The following CD2AP variants were observed in gnomAD, a reference collection of about 807,000 sequenced individuals.
The protein encoded by CD2AP is CD2 associated protein.
A neutral mutation model predicts 85.1 loss-of-function variants in CD2AP; 46 were observed. The ratio of observed to expected loss-of-function variants is 0.54; its 90% CI spans 0.43 to 0.69. The LOEUF (loss-of-function observed/expected upper bound fraction) is 0.69. Ranked by LOEUF, CD2AP falls within the 30% of genes least tolerant of loss-of-function variation. The probability of loss-of-function intolerance (pLI) is 0.00; values close to 1 mark genes in which losing one functional copy is unlikely to be tolerated. For synonymous variants in CD2AP, 255 were observed against 252.9 expected (o/e 1.01, Z -0.08); for missense variants, 769 against 729.5 (o/e 1.05, Z -0.62).
At chr6:47,514,493 C>T (rs1322754117) in intron 2 of CD2AP, among the ~76,000 whole-genome samples, 1 of 152,130 alleles carries the variant, frequency 6.6e-6, no homozygotes, top group Non-Finnish European at 1.5e-5. Context: ...TTGGCTAGTT[C>T]ATATTTGGCA....
At chr6:47,583,312 G>A (rs1768531766) in intron 11 of CD2AP, among the ~76,000 whole-genome samples, 1 of 152,088 alleles carries the variant, frequency 6.6e-6, no homozygotes. Context: ...TTCACTCCTA[G>A]TGTTGTAACT....
chr6:47,546,046 A>G (rs756799352), intron 4 of CD2AP, among the ~76,000 whole-genome samples: 4 of 152,206 alleles, frequency 2.6e-5, no homozygotes, highest in Non-Finnish European at 5.9e-5. Flanking sequence ...AAGGTAAGTT[A>G]TTTAGCTAAT....
At chr6:47,486,287 G>T (rs1377836708) in intron 1 of CD2AP, among the ~76,000 whole-genome samples, 1 of 152,122 alleles carries the variant, frequency 6.6e-6, no homozygotes, top group Non-Finnish European at 1.5e-5. Context: ...CAACCCCTGG[G>T]TTCTGACATA....
At position 47,582,114 on chromosome 6, in the gene CD2AP, C is replaced by A; in HGVS notation, c.1108+49C>A. On this transcript the variant is annotated intron_variant, in intron 11 of 17. Coordinates refer to ENST00000359314, the MANE Select transcript of CD2AP (RefSeq NM_012120.3). ...AAAAAGCAATTATTTCTTTTATTGTCATTTTAAAGAGAATTATTTCTCCAC... is the reference window on the plus strand; with the variant it reads ...AAAAAGCAATTATTTCTTTTATTGTAATTTTAAAGAGAATTATTTCTCCAC... The A allele has an allele frequency of 3.6e-6, 4 of 1,115,534 alleles. No homozygotes were observed. In the South Asian group the frequency reaches 3.7e-5, roughly 10 times the overall value. 69.1% of individuals were successfully genotyped at this position (1,115,534 alleles called of 1,614,324 possible).
At position 47,600,701 on chromosome 6, in the gene CD2AP, G is replaced by A. The variant is rs545319584; in HGVS notation, c.1417+1258G>A. Among the ~76,000 whole-genome samples, 257 of 151,998 alleles carry A rather than the reference G, an allele frequency of 1.7e-3. 1 individual carries two copies. Among genetic ancestry groups the A allele is most frequent in the Non-Finnish European group, 3.0e-3 (204 of 67,818 alleles). ...ATTAATTGTTTGATAAACAGAAAAA[G>A]AATCCTCATGTTTTAAAAAATCATT... is the stretch of plus-strand genomic sequence containing the variant. On this transcript the variant is annotated intron_variant, in intron 13 of 17. Coordinates refer to ENST00000359314, the MANE Select transcript of CD2AP (RefSeq NM_012120.3).
At chr6:47,479,476 C>T (rs532386794) in intron 1 of CD2AP, among the ~76,000 whole-genome samples, 1 of 152,310 alleles carries the variant, frequency 6.6e-6, no homozygotes, top group East Asian at 1.9e-4. Flanking sequence ...CACCTCCCTC[C>T]TTTCAGGTAA....
intron 12 of CD2AP, among the ~76,000 whole-genome samples, chr6:47,598,414 G>A (rs193264594): frequency 5.3e-5 from 8 of 151,018 alleles, no homozygotes; most frequent in Admixed American, 2.6e-4. Context: ...CTACCCAGAG[G>A]AAAATAAGTT....
chr6:47,499,651 AT>A (rs1490258314), intron 1 of CD2AP, among the ~76,000 whole-genome samples: 12 of 152,084 alleles, frequency 7.9e-5, no homozygotes, highest in African/African-American at 2.9e-4. Flanking sequence ...ATGATCAACT[AT>A]TGTCTGCGCA....
At chr6:47,498,947 A>G (rs1298735760) in intron 1 of CD2AP, among the ~76,000 whole-genome samples, 1 of 152,188 alleles carries the variant, frequency 6.6e-6, no homozygotes, top group East Asian at 1.9e-4. Context: ...ATTGATTTGT[A>G]ATCTGTATGG....
chr6:47,602,891 C>A (rs554902210), intron 13 of CD2AP, among the ~76,000 whole-genome samples: 3 of 151,884 alleles, frequency 2.0e-5, no homozygotes, highest in African/African-American at 2.4e-5. Context: ...TAAAGTGAGA[C>A]CCTGTCTCAA....
intron 1 of CD2AP, among the ~76,000 whole-genome samples, chr6:47,492,920 G>C (rs1765769927): frequency 6.6e-6 from 1 of 151,780 alleles, no homozygotes; most frequent in Non-Finnish European, 1.5e-5. Flanking sequence ...GCTTGCCCTA[G>C]AGTTTGCAGT....
chr6:47,574,181 T>C lies in CD2AP; in HGVS notation c.659T>C (p.Phe220Ser). 1 of 1,614,106 alleles carries C rather than the reference T, an allele frequency of 6.2e-7. No individual in the cohort carries two copies. The highest frequency in any genetic ancestry group is 8.5e-7 in the Non-Finnish European group (1 of 1,179,972). ...CGAGGAATTGGATTTGGAGACATTTTTAAAGAAGGCTCTGTGAAACTTCGG... is the reference window on the plus strand; with the variant it reads ...CGAGGAATTGGATTTGGAGACATTTCTAAAGAAGGCTCTGTGAAACTTCGG... ...KIRGIGFGDI[F>S]KEGSVKLRTR... The change falls in exon 6 of 18, where the codon TTT becomes TCT. Residue 220 changes from phenylalanine to serine, a missense_variant. By Grantham distance (155) the Phe-to-Ser change is radical. Transcript: ENST00000359314.
chr6:47,614,728 G>A (rs1209917492), intron 17 of CD2AP, among the ~76,000 whole-genome samples: 1 of 152,188 alleles, frequency 6.6e-6, no homozygotes, highest in African/African-American at 2.4e-5. Context: ...TGTAGACAAT[G>A]CAGTATCTGT....
chr6:47,552,219 G>T (rs1209132953), intron 4 of CD2AP, among the ~76,000 whole-genome samples: 1 of 152,086 alleles, frequency 6.6e-6, no homozygotes, highest in East Asian at 1.9e-4. Context: ...CTTTAGTGGT[G>T]ATTCCTGAGA....
intron 2 of CD2AP, among the ~76,000 whole-genome samples, chr6:47,504,266 G>A (rs1429976986): frequency 6.6e-6 from 1 of 152,212 alleles, no homozygotes; most frequent in East Asian, 1.9e-4. Context: ...GCTCTTCTAG[G>A]AAGGTTAGAG....
Position 47,552,990 on chromosome 6 carries a change from A to ATT in CD2AP, c.421-1647_421-1646dup, listed in dbSNP as rs35305333. On this transcript the variant is annotated intron_variant, in intron 4 of 17. Transcript: ENST00000359314. ...TTGTCATTTCCTTTTGGGGGGGAGC[A>ATT]TTTTTTTTTTATTCTTTCAAGCCCT... is the stretch of plus-strand genomic sequence containing the variant. 1.8e-3 allele frequency among the ~76,000 whole-genome samples: 264 copies of ATT among 148,324 alleles called. 3 individuals are homozygous for ATT. The highest frequency in any genetic ancestry group is 9.7e-4 in the Non-Finnish European group (65 of 66,906).
intron 5 of CD2AP, among the ~76,000 whole-genome samples, chr6:47,566,713 TG>T (rs1185535911): frequency 2.6e-5 from 4 of 152,060 alleles, no homozygotes; most frequent in Non-Finnish European, 5.9e-5. Context: ...GAACATGCAG[TG>T]TTTGGTTTTC....
intron 2 of CD2AP, among the ~76,000 whole-genome samples, chr6:47,516,875 A>G (rs772139570): frequency 1.3e-5 from 2 of 152,226 alleles, no homozygotes; most frequent in African/African-American, 4.8e-5. Flanking sequence ...ATATGATTTT[A>G]TATTTAGTGC....
At chr6:47,537,528 CCTA>C (rs1767083887) in intron 3 of CD2AP, among the ~76,000 whole-genome samples, 1 of 152,100 alleles carries the variant, frequency 6.6e-6, no homozygotes. Flanking sequence ...ATACCCTTCA[CCTA>C]CATATGCTGT....
Sources: gnomAD v4.1 joint callset for allele counts (sites outside exome capture counted in the v4.1 genomes callset) on GRCh38, gnomAD v4.1.1 for gene constraint, MANE v1.5 for transcripts, NCBI Gene and HGNC (gene_info 2026-07-23, HGNC 2026-07-21) for gene names.